VPS26A: variants seen among roughly 807,000 people sequenced by gnomAD.
VPS26A encodes the protein VPS26 retromer complex component A.
Under a neutral mutation model 42.4 loss-of-function variants are expected in VPS26A, and 22 were observed. The observed-to-expected ratio is 0.52, with a 90% CI of 0.37 to 0.74. VPS26A has a LOEUF of 0.74. Ranked by LOEUF, VPS26A falls within the 30% of genes least tolerant of loss-of-function variation. VPS26A has a pLI of 0.00. For synonymous variants in VPS26A, 110 were observed against 123.5 expected (o/e 0.89, Z 0.73); for missense variants, 276 against 379.2 (o/e 0.73, Z 2.26).
chr10:69,161,366 C>G (rs1029280647), intron 5 of VPS26A, among the ~76,000 whole-genome samples: 1 of 152,122 alleles, frequency 6.6e-6, no homozygotes, highest in African/African-American at 2.4e-5. Context: ...CCAGCCAGAA[C>G]AGTTAACCAG....
At chr10:69,139,067 C>A (rs879923380) in intron 2 of VPS26A, among the ~76,000 whole-genome samples, 4 of 152,098 alleles carry the variant, frequency 2.6e-5, no homozygotes, top group Non-Finnish European at 4.4e-5. Context: ...TTATAAATAA[C>A]TGTTCATATA....
Position 69,158,219 on chromosome 10 carries a change from T to C in VPS26A, c.551+8T>C. 1 of 1,569,508 alleles carries C rather than the reference T, an allele frequency of 6.4e-7. No individual in the cohort carries two copies. ...TGAATATAATAAATCAAAGTAAGTA[T>C]CATTCACAGATAAGTTGTTCAGAGA... is the stretch of plus-strand genomic sequence containing the variant. On this transcript the variant is annotated splice_region_variant and intron_variant, in intron 5 of 8. Coordinates refer to ENST00000263559, the MANE Select transcript of VPS26A (RefSeq NM_004896.5).
intron 2 of VPS26A, among the ~76,000 whole-genome samples, chr10:69,149,802 A>C (rs2132216373): frequency 7.9e-6 from 1 of 127,172 alleles, no homozygotes; most frequent in South Asian, 2.4e-4. Context: ...GCTGGAGTGC[A>C]GTGGCATGAT....
In VPS26A at chr10:69,173,378, G is replaced by T. The variant is rs1276512711; in HGVS notation, c.*2109G>T. Among the ~76,000 whole-genome samples, 1 of 152,114 alleles carries T rather than the reference G, an allele frequency of 6.6e-6. No homozygotes were observed. The highest frequency in any genetic ancestry group is 2.4e-5 in the African/African-American group (1 of 41,426). ...CCTCAAAAAAATACCTGTCATCTCAGCCACTTCAGGAGTCTGAGGCGGAAG... is the reference window on the plus strand; with the variant it reads ...CCTCAAAAAAATACCTGTCATCTCATCCACTTCAGGAGTCTGAGGCGGAAG... On this transcript the variant is annotated 3_prime_UTR_variant, in exon 9 of 9. Transcript: ENST00000263559.
intron 1 of VPS26A, 102 bp downstream of exon 1, chr10:69,124,382 G>C: frequency 8.5e-7 from 1 of 1,174,026 alleles, no homozygotes. Context: ...AGGGGACGGG[G>C]GAGCAGGGCG....
At position 69,155,942 on chromosome 10, in the gene VPS26A, G is replaced by A. The variant is rs1001893942; in HGVS notation, c.229+55G>A. 19 of 1,401,178 alleles carry A rather than the reference G, an allele frequency of 1.4e-5. No homozygotes were observed. The African/African-American group carries it at 2.3e-4, about 17-fold the overall frequency. The allele number at this position is 1,401,178 out of a possible 1,614,324, so 86.8% of individuals were successfully genotyped here. ...TCTTTGATAACTGAATTTGAAGAGG[G>A]TTGGATTTTGCACCAAAATAATTGA... On this transcript the variant is annotated intron_variant, in intron 3 of 8. Transcript: ENST00000263559.
chr10:69,138,534 C>A (rs556267907), intron 2 of VPS26A, among the ~76,000 whole-genome samples: 1 of 152,072 alleles, frequency 6.6e-6, no homozygotes, highest in Non-Finnish European at 1.5e-5. Flanking sequence ...TGCACTCAGC[C>A]GTATCTTTCA....
chr10:69,161,180 C>T (rs1159286437), intron 5 of VPS26A, among the ~76,000 whole-genome samples: 3 of 152,188 alleles, frequency 2.0e-5, no homozygotes, highest in Non-Finnish European at 4.4e-5. Context: ...TCACCTCAGC[C>T]TCCTGAGTAG....
At chr10:69,165,320 TTTA>T (rs547666693) in intron 6 of VPS26A, among the ~76,000 whole-genome samples, 12 of 152,208 alleles carry the variant, frequency 7.9e-5, no homozygotes, top group South Asian at 2.1e-4. Flanking sequence ...TGTGATTTCT[TTTA>T]TTATTATTAT....
intron 2 of VPS26A, chr10:69,133,623 CCTTTT>C (rs1237137879): frequency 1.6e-6 from 2 of 1,287,520 alleles, no homozygotes; most frequent in Admixed American, 2.3e-5. Flanking sequence ...ACTTTTTTCC[CCTTTT>C]CTTTATCCGG....
chr10:69,151,264 C>CAAA (rs1192297497), intron 2 of VPS26A, among the ~76,000 whole-genome samples: 26 of 30,398 alleles, frequency 8.6e-4, no homozygotes, highest in African/African-American at 1.9e-3. Flanking sequence ...GACTCCATGT[C>CAAA]AAAAAAAAAA....
chr10:69,149,748 T>TGAGATGGAG (rs1841254427), intron 2 of VPS26A, among the ~76,000 whole-genome samples: 1 of 84,726 alleles, frequency 1.2e-5, no homozygotes, highest in Non-Finnish European at 2.9e-5. Flanking sequence ...TTTTTTTTTT[T>TGAGATGGAG]TTTTTTTTTT....
chr10:69,159,784 A>G (rs1422285186), intron 5 of VPS26A, among the ~76,000 whole-genome samples: 2 of 152,188 alleles, frequency 1.3e-5, no homozygotes, highest in African/African-American at 4.8e-5. Context: ...TAATTGGCTC[A>G]CAGATATCTT....
At chr10:69,131,205 G>A (rs898110570) in intron 1 of VPS26A, among the ~76,000 whole-genome samples, 1 of 152,108 alleles carries the variant, frequency 6.6e-6, no homozygotes, top group Non-Finnish European at 1.5e-5. Context: ...GTCCCGAACT[G>A]CTGACCTCAA....
At chr10:69,139,633 A>C (rs1267835341) in intron 2 of VPS26A, among the ~76,000 whole-genome samples, 1 of 152,066 alleles carries the variant, frequency 6.6e-6, no homozygotes, top group Non-Finnish European at 1.5e-5. Context: ...TTATTACTGC[A>C]TTGTCTTCTG....
chr10:69,136,754 T>C (rs1057191016), intron 2 of VPS26A, among the ~76,000 whole-genome samples: 1 of 152,094 alleles, frequency 6.6e-6, no homozygotes. Context: ...AAAGAATGCT[T>C]GACCTTTTTC....
At position 69,173,590 on chromosome 10, in the gene VPS26A, C is replaced by T. The variant is rs767976962; in HGVS notation, c.*2321C>T. Among the ~76,000 whole-genome samples the T allele has an allele frequency of 2.0e-5, 3 of 152,210 alleles. No individual in the cohort carries two copies. The highest frequency in any genetic ancestry group is 2.9e-5 in the Non-Finnish European group (2 of 68,040). On this transcript the variant is annotated 3_prime_UTR_variant, in exon 9 of 9. Transcript: ENST00000263559. ...CTGAGTTGCGTGGGGACTTGGAGAA[C>T]TTTTCTGTCTTACAAGGGGATTGTA... is the stretch of plus-strand genomic sequence containing the variant.
intron 2 of VPS26A, among the ~76,000 whole-genome samples, chr10:69,153,985 T>C (rs12266279): frequency 0.042 from 6,349 of 152,182 alleles, 467 homozygotes; most frequent in African/African-American, 0.14. Flanking sequence ...CCCGGTAGGA[T>C]TGTAAACACA....
chr10:69,131,974 G>C (rs527315721), intron 1 of VPS26A, among the ~76,000 whole-genome samples: 64 of 152,218 alleles, frequency 4.2e-4, no homozygotes, highest in African/African-American at 1.4e-3. Flanking sequence ...TCATATTCAG[G>C]ATTTATAGAA....
Sources: allele counts gnomAD v4.1 joint callset (sites outside exome capture counted in the v4.1 genomes callset), GRCh38; gene constraint gnomAD v4.1.1; transcripts MANE v1.5; gene names NCBI Gene and HGNC (gene_info 2026-07-23, HGNC 2026-07-21).